The following ADCY10 variants were observed in gnomAD, a reference collection of about 807,000 sequenced individuals.
ADCY10 encodes the protein adenylate cyclase type 10.
In ADCY10, 156 loss-of-function variants were observed where a neutral mutation model predicts 183.3. The observed-to-expected ratio is 0.85, with a 90% confidence interval of 0.75 to 0.97. ADCY10 has a LOEUF of 0.97. Ranked by LOEUF, ADCY10 falls within the 50% of genes least tolerant of loss-of-function variation. The pLI, the probability that ADCY10 is intolerant of heterozygous loss-of-function variation, is 0.00. For synonymous variants in ADCY10, 645 were observed against 670.0 expected, an observed-to-expected ratio of 0.96 and a Z score of 0.58; for missense variants, 1,745 against 1,934.3, an observed-to-expected ratio of 0.90 and a Z score of 1.84.
intron 9 of ADCY10, 81 bp downstream of exon 9, chr1:167,883,356 T>A (rs1668000128): frequency 2.7e-6 from 4 of 1,496,842 alleles, no homozygotes; most frequent in Non-Finnish European, 3.7e-6. Flanking sequence ...AAATTTCCTG[T>A]GTCTATTCTC....
chr1:167,875,345 GAGA>G (rs1189649272), intron 12 of ADCY10, among the ~76,000 whole-genome samples, 159 bp from the exon 13 acceptor site: 5 of 152,220 alleles, frequency 3.3e-5, no homozygotes, highest in Admixed American at 1.3e-4. Flanking sequence ...AAGGAGAAAC[GAGA>G]AGGTCTGACT....
At chr1:167,904,670 G>A (rs1249439636) in intron 2 of ADCY10, 1 of 590,092 alleles carries the variant, frequency 1.7e-6, no homozygotes. Flanking sequence ...CATTTCCTGA[G>A]GTCAATTTTG....
chr1:167,877,996 G>C (rs1373988781), intron 12 of ADCY10, among the ~76,000 whole-genome samples: 1 of 152,218 alleles, frequency 6.6e-6, no homozygotes, highest in Non-Finnish European at 1.5e-5. Flanking sequence ...AAGCTTCAAA[G>C]TGACACCCAT....
chr1:167,839,048 C>T (rs760582793), intron 21 of ADCY10, among the ~76,000 whole-genome samples: 1 of 152,220 alleles, frequency 6.6e-6, no homozygotes, highest in African/African-American at 2.4e-5. Context: ...CAGTCCATTA[C>T]CAAAATTTTA....
chr1:167,885,600 C>T (rs1460285212), intron 8 of ADCY10, among the ~76,000 whole-genome samples: 2 of 152,018 alleles, frequency 1.3e-5, no homozygotes, highest in Non-Finnish European at 2.9e-5. Flanking sequence ...TGTATGTCTT[C>T]CTTTGAGAAA....
At chr1:167,809,928 T>C in intron 32 of ADCY10, 89 bp from the exon 33 acceptor site, 1 of 1,383,268 alleles carries the variant, frequency 7.2e-7, no homozygotes, top group South Asian at 1.2e-5. Flanking sequence ...AGGCAAAACA[T>C]CTTTGGTAAA....
At chr1:167,876,693 G>A (rs1304290109) in intron 12 of ADCY10, among the ~76,000 whole-genome samples, 1 of 152,150 alleles carries the variant, frequency 6.6e-6, no homozygotes, top group African/African-American at 2.4e-5. Context: ...ATAGTCCTGG[G>A]TTTGCATAGT....
At chr1:167,887,771 A>T (rs1338363658) in intron 8 of ADCY10, among the ~76,000 whole-genome samples, 1 of 151,392 alleles carries the variant, frequency 6.6e-6, no homozygotes, top group Non-Finnish European at 1.5e-5. Context: ...ATCTGATAAA[A>T]TAATTCTAAA....
intron 8 of ADCY10, among the ~76,000 whole-genome samples, chr1:167,885,552 C>T (rs1020620621): frequency 1.3e-5 from 2 of 152,108 alleles, no homozygotes; most frequent in Non-Finnish European, 2.9e-5. Flanking sequence ...TGATGTTGTG[C>T]ACCTTTTCAC....
At chr1:167,848,176 C>T (rs1026762355) in intron 19 of ADCY10, among the ~76,000 whole-genome samples, 185 bp downstream of exon 19, 3 of 152,046 alleles carry the variant, frequency 2.0e-5, no homozygotes, top group Non-Finnish European at 2.9e-5. Context: ...CCTGCCTCAG[C>T]TTCCCGAGTA....
At chr1:167,855,083 G>C (rs1665789444) in intron 17 of ADCY10, among the ~76,000 whole-genome samples, 1 of 152,206 alleles carries the variant, frequency 6.6e-6, no homozygotes, top group Non-Finnish European at 1.5e-5. Flanking sequence ...CACTTTGGGA[G>C]GCCGAGGAGG....
At chr1:167,886,752 C>A (rs929879167) in intron 8 of ADCY10, among the ~76,000 whole-genome samples, 18 of 152,118 alleles carry the variant, frequency 1.2e-4, no homozygotes, top group African/African-American at 4.3e-4. Context: ...TCAGAGTGAA[C>A]AGGCATCCTA....
At chr1:167,834,217 C>G in intron 23 of ADCY10, 140 bp from the exon 24 acceptor site, 1 of 712,426 alleles carries the variant, frequency 1.4e-6, no homozygotes, top group South Asian at 1.5e-5. Context: ...CCCAGCTCCA[C>G]TGATTAAAAT....
intron 11 of ADCY10, among the ~76,000 whole-genome samples, chr1:167,879,435 T>A (rs1219449131): frequency 1.3e-5 from 2 of 152,146 alleles, no homozygotes; most frequent in Non-Finnish European, 2.9e-5. Flanking sequence ...TGAAAACTAT[T>A]TATTGTGGAG....
At chr1:167,838,011 C>G (rs1664350046) in intron 21 of ADCY10, among the ~76,000 whole-genome samples, 1 of 152,128 alleles carries the variant, frequency 6.6e-6, no homozygotes, top group Non-Finnish European at 1.5e-5. Flanking sequence ...AGAAAGAATC[C>G]CAGAGAGGGG....
chr1:167,836,461 TA>T lies in ADCY10; in HGVS notation c.3156del (p.Ile1053SerfsTer12). The T allele has an allele frequency of 6.2e-7, 1 of 1,614,196 alleles. No individual in the cohort carries two copies. The highest frequency in any genetic ancestry group is 8.5e-7 in the Non-Finnish European group (1 of 1,179,990). On this transcript the variant is annotated frameshift_variant, in exon 23 of 33. Coordinates refer to ENST00000367851, the MANE Select transcript of ADCY10 (RefSeq NM_018417.6). LOFTEE classifies it high-confidence loss of function. ...LTKMKTSDED[I>X]IPLESCQCEE... Reference sequence around the variant, plus strand: ...TCACACTGGCAAGATTCCAGAGGGATAATGTCTTCGTCAGATGTCTTCATTT... The same window carrying T: ...TCACACTGGCAAGATTCCAGAGGGATATGTCTTCGTCAGATGTCTTCATTT...
At chr1:167,813,768 T>C (rs1279582119) in intron 31 of ADCY10, among the ~76,000 whole-genome samples, 1 of 152,178 alleles carries the variant, frequency 6.6e-6, no homozygotes, top group Non-Finnish European at 1.5e-5. Flanking sequence ...CACAGTTTGT[T>C]TTCTACATAA....
At chr1:167,856,071 G>A (rs1665867072) in intron 17 of ADCY10, 94 bp downstream of exon 17, 1 of 1,360,708 alleles carries the variant, frequency 7.3e-7, no homozygotes, top group Admixed American at 1.9e-5. Context: ...ACTGAAATAG[G>A]CACATCAAGA....
intron 1 of ADCY10, among the ~76,000 whole-genome samples, chr1:167,907,245 A>G (rs148568215): frequency 6.6e-6 from 1 of 152,368 alleles, no homozygotes; most frequent in African/African-American, 2.4e-5. Flanking sequence ...CTACTCATGG[A>G]TCCCAGAAAA....
Sources: allele counts gnomAD v4.1 joint callset (sites outside exome capture counted in the v4.1 genomes callset), GRCh38; gene constraint gnomAD v4.1.1; transcripts MANE v1.5; gene names NCBI Gene and HGNC (gene_info 2026-07-23, HGNC 2026-07-21).